The following DOCK8 variants were observed in gnomAD, a reference collection of about 807,000 sequenced individuals.
The protein encoded by DOCK8 is dedicator of cytokinesis 8.
A neutral mutation model predicts 245.6 loss-of-function variants in DOCK8; 141 were observed. That is an observed-to-expected ratio of 0.57 (90% CI 0.50 to 0.66). The LOEUF (loss-of-function observed/expected upper bound fraction) is 0.66. Among genes scored for constraint, DOCK8 ranks in the 30% least tolerant of loss-of-function variants. The pLI is 0.00. For synonymous variants in DOCK8, 1,168 were observed against 970.2 expected (o/e 1.20, Z -3.79); for missense variants, 2,965 against 2,603.4 (o/e 1.14, Z -3.02).
At chr9:415,468 T>G (rs1003517161) in intron 29 of DOCK8, among the ~76,000 whole-genome samples, 2 of 152,182 alleles carry the variant, frequency 1.3e-5, no homozygotes, top group Non-Finnish European at 2.9e-5. Flanking sequence ...GTGACTAATT[T>G]TGAGGTTAAT....
chr9:399,267 T>TGGGGGGGGGG lies in DOCK8; in HGVS notation c.3234+8_3234+9insGGGGGGGGGG. 6.5e-7 allele frequency: 1 copy of TGGGGGGGGGG among 1,534,476 alleles called. No individual in the cohort carries two copies. ...AGACATTATTGCAGCCAGGTGAGTGTCCCCCCCACCCCCACCCCCGAGCGA... is the reference window on the plus strand; with the variant it reads ...AGACATTATTGCAGCCAGGTGAGTGTGGGGGGGGGGCCCCCCCACCCCCACCCCCGAGCGA... On this transcript the variant is annotated intron_variant, in intron 26 of 47. Coordinates refer to ENST00000432829, the MANE Select transcript of DOCK8 (RefSeq NM_203447.4).
intron 2 of DOCK8, among the ~76,000 whole-genome samples, chr9:282,791 A>T (rs1430854616): frequency 6.6e-6 from 1 of 152,132 alleles, no homozygotes. Flanking sequence ...CACAAATGTC[A>T]TATCTCCATG....
intron 1 of DOCK8, among the ~76,000 whole-genome samples, chr9:267,678 T>G (rs934299557): frequency 1.3e-5 from 2 of 152,266 alleles, no homozygotes; most frequent in African/African-American, 4.8e-5. Context: ...ATACTATTTT[T>G]TACTGTAGCT....
chr9:383,138 G>A (rs1434864765), intron 22 of DOCK8, among the ~76,000 whole-genome samples: 2 of 152,244 alleles, frequency 1.3e-5, no homozygotes, highest in South Asian at 2.1e-4. Flanking sequence ...GGTGGCTCAT[G>A]CCTGTAATCC....
In DOCK8 at chr9:400,910, AGCTCC is replaced by A. The variant is rs1256705417; in HGVS notation, c.3234+1652_3234+1656del. The stretch of plus-strand genomic sequence containing the variant: ...CACCACCACCTCCCCCACTACCAAC[AGCTCC>A]TTCACCATCACCACAACATCCACCA... On this transcript the variant is annotated intron_variant, in intron 26 of 47. Transcript: ENST00000432829. Among the ~76,000 whole-genome samples the A allele has an allele frequency of 2.4e-4, 16 of 67,742 alleles. 2 individuals are homozygous for A. Among genetic ancestry groups the A allele is most frequent in the Middle Eastern group, 7.2e-3 (1 of 138 alleles). The allele number at this position is 67,742 out of a possible 152,430, so 44.4% of individuals were successfully genotyped here.
intron 28 of DOCK8, among the ~76,000 whole-genome samples, chr9:409,814 C>T (rs13295042): frequency 3.3e-5 from 5 of 151,644 alleles, no homozygotes; most frequent in South Asian, 2.1e-4. Flanking sequence ...TCTGTCCTTG[C>T]GATAGTTTGC....
chr9:249,007 A>G (rs1294122254), intron 1 of DOCK8, among the ~76,000 whole-genome samples: 7 of 152,202 alleles, frequency 4.6e-5, no homozygotes, highest in African/African-American at 1.7e-4. Context: ...ACAGACAGGT[A>G]GTGGGAGGTC....
chr9:248,559 CTCTT>C (rs1296401217), intron 1 of DOCK8, among the ~76,000 whole-genome samples: 32 of 97,382 alleles, frequency 3.3e-4, no homozygotes, highest in African/African-American at 9.3e-4. Context: ...CTCTCTCTCT[CTCTT>C]TCTTTCTTTC....
chr9:267,850 A>G (rs1174554640), intron 1 of DOCK8: 2 of 152,242 alleles, frequency 1.3e-5, no homozygotes, highest in African/African-American at 4.8e-5. Flanking sequence ...GCTATCATAT[A>G]CAGAATTCTT....
chr9:312,314 A>T, intron 6 of DOCK8, 148 bp downstream of exon 6: 1 of 892,250 alleles, frequency 1.1e-6, no homozygotes, highest in Non-Finnish European at 1.8e-6. Context: ...TCACTCAGGC[A>T]AGCCTGTGTG....
In DOCK8 at chr9:376,456, G is replaced by A. The variant is rs534263539; in HGVS notation, c.2205+151G>A. 3.5e-4 allele frequency: 245 copies of A among 707,004 alleles called. No individual in the cohort carries two copies. In the African/African-American group the frequency reaches 3.6e-3, roughly 10 times the overall value. The allele number at this position is 707,004 out of a possible 1,614,324, so 43.8% of individuals were successfully genotyped here. ...TGTGGGGACATGCAAACCTCTTTAG[G>A]TTTCATTTGTCATTGGAATAGAAAG... On this transcript the variant is annotated intron_variant, in intron 19 of 47. Transcript: ENST00000432829.
chr9:247,709 AT>A (rs888105669), intron 1 of DOCK8, among the ~76,000 whole-genome samples: 3 of 149,882 alleles, frequency 2.0e-5, no homozygotes, highest in Admixed American at 6.6e-5. Flanking sequence ...AATTTTTTGT[AT>A]TTTTTTTTAG....
chr9:294,881 C>CG (rs1295773993), intron 4 of DOCK8, among the ~76,000 whole-genome samples: 1 of 152,132 alleles, frequency 6.6e-6, no homozygotes, highest in Non-Finnish European at 1.5e-5. Context: ...AGACAAAGGC[C>CG]GGGCATGGTG....
At chr9:372,390 G>C in intron 18 of DOCK8, 104 bp downstream of exon 18, 2 of 913,300 alleles carry the variant, frequency 2.2e-6, no homozygotes, top group Non-Finnish European at 3.6e-6. Flanking sequence ...TGTTCATCAT[G>C]TTCTCAGAGA....
intron 39 of DOCK8, among the ~76,000 whole-genome samples, chr9:438,874 C>T (rs1008132112): frequency 1.3e-5 from 2 of 152,202 alleles, no homozygotes; most frequent in African/African-American, 4.8e-5. Flanking sequence ...GAGGTCCACT[C>T]GGTGAAACAG....
At chr9:362,929 T>TGGTC (rs1432582350) in intron 14 of DOCK8, among the ~76,000 whole-genome samples, 1 of 152,222 alleles carries the variant, frequency 6.6e-6, no homozygotes, top group African/African-American at 2.4e-5. Flanking sequence ...AAATAGAAGA[T>TGGTC]GGTCCCAAGA....
chr9:460,792 C>T (rs779690459), intron 46 of DOCK8, among the ~76,000 whole-genome samples: 4 of 152,246 alleles, frequency 2.6e-5, no homozygotes, highest in Non-Finnish European at 4.4e-5. Context: ...TCCTCTTCCT[C>T]TTTGACTGTC....
At chr9:387,524 A>G (rs1488524270) in intron 23 of DOCK8, among the ~76,000 whole-genome samples, 1 of 152,184 alleles carries the variant, frequency 6.6e-6, no homozygotes, top group East Asian at 1.9e-4. Context: ...AGCTGACATC[A>G]CAGGGAAATG....
intron 10 of DOCK8, 81 bp from the exon 11 acceptor site, chr9:334,144 G>A: frequency 6.6e-7 from 1 of 1,515,902 alleles, no homozygotes; most frequent in Non-Finnish European, 9.1e-7. Context: ...GGATTTTGGA[G>A]ATGGCTGTCA....
Sources: allele counts gnomAD v4.1 joint callset (sites outside exome capture counted in the v4.1 genomes callset), GRCh38; gene constraint gnomAD v4.1.1; transcripts MANE v1.5; gene names NCBI Gene and HGNC (gene_info 2026-07-23, HGNC 2026-07-21).